Variants in CLEC2A observed in about 807,000 individuals in gnomAD.
CLEC2A encodes C-type lectin domain family 2 member A.
A neutral mutation model predicts 18.6 loss-of-function variants in CLEC2A; 19 were observed. That is an observed-to-expected ratio of 1.02 (90% CI 0.71 to 1.50). The LOEUF is 1.50. CLEC2A is among the 40% of genes most tolerant of loss of function. The pLI is 0.00. For synonymous variants in CLEC2A, 74 were observed against 64.0 expected (o/e 1.16, Z -0.75); for missense variants, 190 against 207.9 (o/e 0.91, Z 0.53).
At chr12:9,905,792 C>T (rs1268875045) in intron 4 of CLEC2A, among the ~76,000 whole-genome samples, 1 of 152,064 alleles carries the variant, frequency 6.6e-6, no homozygotes, top group Non-Finnish European at 1.5e-5. Context: ...TTCTATTAAT[C>T]CAAGCTTAGG....
intron 2 of CLEC2A, 126 bp from the exon 3 acceptor site, chr12:9,922,358 C>A: frequency 3.1e-6 from 2 of 635,226 alleles, no homozygotes; most frequent in Non-Finnish European, 4.9e-6. Flanking sequence ...TCCCCCCTCC[C>A]CAGAATGAGG....
chr12:9,914,523 C>G (rs934983236), intron 4 of CLEC2A, among the ~76,000 whole-genome samples: 1 of 152,108 alleles, frequency 6.6e-6, no homozygotes, highest in African/African-American at 2.4e-5. Flanking sequence ...GACATACAGA[C>G]CAATGGAACA....
chr12:9,889,875 A>G, the CLEC2A span, among the ~76,000 whole-genome samples: 1 of 152,050 alleles, frequency 6.6e-6, no homozygotes, highest in East Asian at 1.9e-4. Context: ...AATAATCCCT[A>G]TGTACCTCAA....
intron 4 of CLEC2A, among the ~76,000 whole-genome samples, chr12:9,914,183 G>A (rs1234105655): frequency 1.3e-5 from 2 of 152,122 alleles, no homozygotes; most frequent in African/African-American, 4.8e-5. Flanking sequence ...AAACCTAAGA[G>A]ACTGCATACT....
intron 2 of CLEC2A, among the ~76,000 whole-genome samples, chr12:9,923,304 G>T (rs922471244): frequency 6.6e-6 from 1 of 152,170 alleles, no homozygotes; most frequent in African/African-American, 2.4e-5. Flanking sequence ...AGACATTTAC[G>T]CAGCCAACAG....
chr12:9,891,122 C>T, the CLEC2A span, among the ~76,000 whole-genome samples: 53 of 149,462 alleles, frequency 3.5e-4, no homozygotes, highest in Admixed American at 6.0e-4. Context: ...TCTGAATTTT[C>T]CTTTTCATAT....
At chr12:9,930,126 A>C (rs370205172) in intron 1 of CLEC2A, among the ~76,000 whole-genome samples, 1 of 152,150 alleles carries the variant, frequency 6.6e-6, no homozygotes, top group African/African-American at 2.4e-5. Flanking sequence ...GCCTGTAAGG[A>C]AAGAATCTGT....
chr12:9,907,000 G>T (rs1862916611), intron 4 of CLEC2A, among the ~76,000 whole-genome samples: 1 of 152,198 alleles, frequency 6.6e-6, no homozygotes, highest in Admixed American at 6.5e-5. Flanking sequence ...TTTGGTTTAA[G>T]ATAGTTCTAA....
At chr12:9,893,653 A>T in the CLEC2A span, 3 of 441,614 alleles carry the variant, frequency 6.8e-6, no homozygotes, top group Non-Finnish European at 1.2e-5. Flanking sequence ...CCTTATCTTT[A>T]CATTTTTTTC....
downstream of CLEC2A, among the ~76,000 whole-genome samples, chr12:9,909,826 G>C (rs965712081): frequency 6.6e-6 from 1 of 152,148 alleles, no homozygotes; most frequent in African/African-American, 2.4e-5. Flanking sequence ...GAGCAGGGGA[G>C]GGATCTGGAG....
chr12:9,909,202 G>A (rs1399554308), downstream of CLEC2A, among the ~76,000 whole-genome samples: 1 of 152,106 alleles, frequency 6.6e-6, no homozygotes, highest in African/African-American at 2.4e-5. Flanking sequence ...CCTGTTGTGT[G>A]CTGAGTGTCT....
chr12:9,889,646 ATGTGTG>A, the CLEC2A span, among the ~76,000 whole-genome samples: 1 of 140,610 alleles, frequency 7.1e-6, no homozygotes, highest in Non-Finnish European at 1.5e-5. Flanking sequence ...GTGTATATAT[ATGTGTG>A]TGTGTGTGTA....
At chr12:9,931,566 A>G (rs1348090677) in intron 1 of CLEC2A, among the ~76,000 whole-genome samples, 1 of 152,190 alleles carries the variant, frequency 6.6e-6, no homozygotes, top group Non-Finnish European at 1.5e-5. Flanking sequence ...CTTTAAGAGT[A>G]TCAGGCTTAC....
intron 1 of CLEC2A, among the ~76,000 whole-genome samples, chr12:9,929,841 A>ACT (rs1287142949): frequency 4.6e-5 from 7 of 151,670 alleles, no homozygotes; most frequent in African/African-American, 1.7e-4. Flanking sequence ...TCAGTAGATT[A>ACT]CTCTATTTTA....
chr12:9,919,580 C>T (rs1183295442), intron 3 of CLEC2A, among the ~76,000 whole-genome samples: 1 of 152,218 alleles, frequency 6.6e-6, no homozygotes, highest in East Asian at 1.9e-4. Context: ...TCCAGAGCTG[C>T]TACTGGCTCA....
At chr12:9,893,003 C>T in the CLEC2A span, 3 of 1,520,558 alleles carry the variant, frequency 2.0e-6, no homozygotes, top group Non-Finnish European at 2.6e-6. Context: ...TTAATTTTCC[C>T]CTATGTTTTC....
rs193154137 is a variant in CLEC2A at position 9,929,966 on chromosome 12, T to A, written c.55+2309A>T. Reference sequence around the variant, plus strand: ...GACCTCTACCTTCTTTTTTTAATATTTATAAGCGCATTAGTGTTTTAGTTT... The same window carrying A: ...GACCTCTACCTTCTTTTTTTAATATATATAAGCGCATTAGTGTTTTAGTTT... On this transcript the variant is annotated intron_variant, in intron 1 of 4. Coordinates refer to ENST00000455827, the MANE Select transcript of CLEC2A (RefSeq NM_001130711.2). 4.4e-3 allele frequency among the ~76,000 whole-genome samples: 675 copies of A among 152,296 alleles called. 10 individuals are homozygous for A. Among genetic ancestry groups the A allele is most frequent in the African/African-American group, 0.016 (649 of 41,558 alleles).
At chr12:9,930,840 CT>C (rs2137060811) in intron 1 of CLEC2A, among the ~76,000 whole-genome samples, 1 of 151,340 alleles carries the variant, frequency 6.6e-6, no homozygotes, top group South Asian at 2.1e-4. Context: ...TAACTGTTTT[CT>C]TTTCTGTCAT....
chr12:9,900,095 G>A (rs1862804518), intron 4 of CLEC2A, among the ~76,000 whole-genome samples: 1 of 152,200 alleles, frequency 6.6e-6, no homozygotes, highest in African/African-American at 2.4e-5. Context: ...GGATTTGGGT[G>A]CATGCTGCTT....
Sources: gnomAD v4.1 joint callset for allele counts (sites outside exome capture counted in the v4.1 genomes callset) on GRCh38, gnomAD v4.1.1 for gene constraint, MANE v1.5 for transcripts, NCBI Gene and HGNC (gene_info 2026-07-23, HGNC 2026-07-21) for gene names.